The following FADS6 variants were observed in gnomAD, a reference collection of about 807,000 sequenced individuals.
The protein encoded by FADS6 is fatty acid desaturase domain family, member 6.
In FADS6, 28 loss-of-function variants were observed where a neutral mutation model predicts 31.7. The ratio of observed to expected loss-of-function variants is 0.88; its 90% CI spans 0.66 to 1.21. FADS6 has a LOEUF of 1.21. Ranked by LOEUF, FADS6 falls within the 50% of genes most tolerant of loss-of-function variation. The pLI is 0.00. For synonymous variants in FADS6, 191 were observed against 213.1 expected, an observed-to-expected ratio of 0.90 and a Z score of 0.90; for missense variants, 494 against 504.2, an observed-to-expected ratio of 0.98 and a Z score of 0.19.
intron 2 of FADS6, among the ~76,000 whole-genome samples, chr17:74,889,027 T>C (rs776610765): frequency 6.6e-6 from 1 of 152,158 alleles, no homozygotes; most frequent in Non-Finnish European, 1.5e-5. Flanking sequence ...CCAGGAGGGA[T>C]AGAACTTTCC....
chr17:74,880,261 G>A (rs2038553779), intron 4 of FADS6, among the ~76,000 whole-genome samples: 1 of 152,150 alleles, frequency 6.6e-6, no homozygotes, highest in Non-Finnish European at 1.5e-5. Flanking sequence ...TCTCGGGGCA[G>A]GCACTAGGGG....
Position 74,878,471 on chromosome 17 carries a change from G to C in FADS6, c.967C>G (p.Pro323Ala), listed in dbSNP as rs761975199. 3 of 1,613,756 alleles carry C rather than the reference G, an allele frequency of 1.9e-6. No individual in the cohort carries two copies. Among genetic ancestry groups the C allele is most frequent in the Admixed American group, 1.7e-5 (1 of 59,998 alleles). The change falls in exon 6 of 6, where the codon CCC becomes GCC. Residue 323 changes from proline (P) to alanine (A), a missense_variant. Pro to Ala is a conservative substitution (Grantham distance 27, BLOSUM62 -1). Transcript: ENST00000612771. ...TCACGTAGGAACTGGGACACCACGG[G>C]CTTCACCTGGTGGAAGATGGGCAGG... ...LSDNMCLKVK[P>A]VVSQFLREKQ... is the part of the protein sequence containing the mutation.
At chr17:74,887,448 C>A (rs951927795) in intron 2 of FADS6, among the ~76,000 whole-genome samples, 1 of 152,192 alleles carries the variant, frequency 6.6e-6, no homozygotes, top group Admixed American at 6.6e-5. Context: ...CCACCCTGAG[C>A]TCTCAGAGCT....
chr17:74,877,653 T>C lies in FADS6; in HGVS notation c.*678A>G, dbSNP rs73997533. The C allele has an allele frequency of 0.023, 22,854 of 980,530 alleles. 3,212 individuals carry two copies. The African/African-American group carries it at 0.33, about 14-fold the overall frequency. The allele number at this position is 980,530 out of a possible 1,614,324, so 60.7% of individuals were successfully genotyped here. A position where few individuals can be genotyped will look rare whatever the true frequency, so the allele number is the denominator to read the frequency against. ...TGGCTGGCTATTTATACTCTTTCCC[T>C]AACTCTGTCCCTGGGGAACCTTCTC... On this transcript the variant is annotated 3_prime_UTR_variant, in exon 6 of 6. Transcript: ENST00000612771.
In FADS6 at chr17:74,892,646, G is replaced by A. The variant is rs2038703114; in HGVS notation, c.288C>T (p.Ser96=). 1 of 1,613,150 alleles carries A rather than the reference G, an allele frequency of 6.2e-7. No individual in the cohort carries two copies. The highest frequency in any genetic ancestry group is 8.5e-7 in the Non-Finnish European group (1 of 1,179,574). ...LRWENALVFA[S]GITILGVCHY... ...GGCACACACCCAAGATGGTGATGCC[G>A]GATGCAAAGACCAGGGCATTCTCCC... The change falls in exon 2 of 6, where the codon TCC becomes TCT. Residue 96 remains serine (S), a synonymous_variant. Coordinates refer to ENST00000612771, the MANE Select transcript of FADS6 (RefSeq NM_178128.6).
In FADS6 at chr17:74,892,674, C is replaced by A. The variant is rs367664659; in HGVS notation, c.260G>T (p.Arg87Leu). 80 of 1,612,118 alleles carry A rather than the reference C, an allele frequency of 5.0e-5. No homozygotes were observed. Among genetic ancestry groups the A allele is most frequent in the Non-Finnish European group, 1.1e-5 (13 of 1,179,256 alleles). ...TGCAAAGACCAGGGCATTCTCCCAG[C>A]GCAGGCACAGGAAGCCTGCGTGGAG... The part of the protein sequence containing the change: ...FALPAGFLCL[R>L]WENALVFASG... Residue 87 changes from arginine to leucine, a missense_variant, in exon 2 of 6, where the codon CGC becomes CTC. Physicochemically the swap from Arg to Leu is moderately radical, Grantham distance 102. Around this residue, in one of 2 missense-constraint regions of FADS6, gnomAD observed 454 missense variants for 438.5 expected, o/e 1.04. Transcript: ENST00000612771.
At chr17:74,887,842 C>T (rs980902043) in intron 2 of FADS6, among the ~76,000 whole-genome samples, 19 of 152,216 alleles carry the variant, frequency 1.2e-4, no homozygotes, top group Admixed American at 1.1e-3. Context: ...TGTGCCACCA[C>T]GCCCGGCTAC....
In FADS6 at chr17:74,877,698, T is replaced by C; in HGVS notation, c.*633A>G. On this transcript the variant is annotated 3_prime_UTR_variant, in exon 6 of 6. Transcript: ENST00000612771. ...CTTCTCCCCTCACTTCCCCTGGAGT[T>C]CCCTCCCGACAAAACACACTCACTT... is the stretch of plus-strand genomic sequence containing the variant. The C allele has an allele frequency of 1.0e-6, 1 of 985,500 alleles. No individual in the cohort carries two copies. The highest frequency in any genetic ancestry group is 1.2e-6 in the Non-Finnish European group (1 of 830,022). 61.0% of individuals were successfully genotyped at this position (985,500 alleles called of 1,614,324 possible).
chr17:74,878,196 G>A lies in FADS6; in HGVS notation c.*135C>T. The A allele has an allele frequency of 6.9e-7, 1 of 1,438,996 alleles. No individual in the cohort carries two copies. Among genetic ancestry groups the A allele is most frequent in the South Asian group, 1.5e-5 (1 of 67,510 alleles). 89.1% of individuals were successfully genotyped at this position (1,438,996 alleles called of 1,614,324 possible). A position where few individuals can be genotyped will look rare whatever the true frequency, so the allele number is the denominator to read the frequency against. On this transcript the variant is annotated 3_prime_UTR_variant, in exon 6 of 6. Coordinates refer to ENST00000612771, the MANE Select transcript of FADS6 (RefSeq NM_178128.6). ...CCAGACCCCAGGCCTGAGCTCCCCTGCCCCCCTGCCTGGCCGGTGCCTCCA... is the reference window on the plus strand; with the variant it reads ...CCAGACCCCAGGCCTGAGCTCCCCTACCCCCCTGCCTGGCCGGTGCCTCCA...
chr17:74,882,931 G>A, intron 2 of FADS6: 1 of 1,274,992 alleles, frequency 7.8e-7, no homozygotes, highest in Admixed American at 2.6e-5. Flanking sequence ...GTTTGACGAG[G>A]CTCTGCAAAG....
chr17:74,889,758 C>T (rs1010387788), intron 2 of FADS6, among the ~76,000 whole-genome samples: 2 of 143,242 alleles, frequency 1.4e-5, no homozygotes, highest in African/African-American at 5.1e-5. Flanking sequence ...ATAATCCCAG[C>T]TATTAGGGAG....
In FADS6 at chr17:74,882,567, A is replaced by G; in HGVS notation, c.555T>C (p.Pro185=). Residue 185 remains proline (P), a synonymous_variant, in exon 3 of 6, where the codon CCT becomes CCC. Coordinates refer to ENST00000612771, the MANE Select transcript of FADS6 (RefSeq NM_178128.6). The part of the protein sequence containing the change: ...LNRYVYMFLA[P]FLLPIATPLV... ...GTGGAGTGGCGATGGGGAGGAGGAA[A>G]GGAGCAAGGAACATGTAGACATAGC... 1.9e-6 allele frequency: 3 copies of G among 1,612,098 alleles called. No individual in the cohort carries two copies. Among genetic ancestry groups the G allele is most frequent in the Non-Finnish European group, 2.5e-6 (3 of 1,179,170 alleles).
intron 3 of FADS6, 78 bp downstream of exon 3, chr17:74,882,452 A>T: frequency 2.0e-6 from 3 of 1,467,900 alleles, no homozygotes; most frequent in Non-Finnish European, 2.7e-6. Flanking sequence ...AGCAGCCTCC[A>T]TGAAGCCACG....
chr17:74,879,265 G>A, intron 5 of FADS6, 139 bp downstream of exon 5: 1 of 1,081,480 alleles, frequency 9.2e-7, no homozygotes, highest in Middle Eastern at 2.5e-4. Context: ...TCAAACTCCT[G>A]GGCTCAAGCA....
Position 74,888,471 on chromosome 17 carries a change from C to T in FADS6, c.411+4052G>A, listed in dbSNP as rs112750125. ...ACAGGCAGAGAGAAGGTTGGAGAGACGGCCTGGAGGGTAATGGTCACACTG... is the reference window on the plus strand; with the variant it reads ...ACAGGCAGAGAGAAGGTTGGAGAGATGGCCTGGAGGGTAATGGTCACACTG... On this transcript the variant is annotated intron_variant, in intron 2 of 5. Coordinates refer to ENST00000612771, the MANE Select transcript of FADS6 (RefSeq NM_178128.6). Among the ~76,000 whole-genome samples the T allele has an allele frequency of 2.8e-4, 42 of 152,240 alleles. 1 individual carries two copies. The highest frequency in any genetic ancestry group is 9.1e-4 in the African/African-American group (38 of 41,558).
At chr17:74,889,625 G>A (rs1255090669) in intron 2 of FADS6, among the ~76,000 whole-genome samples, 1 of 151,748 alleles carries the variant, frequency 6.6e-6, no homozygotes, top group Non-Finnish European at 1.5e-5. Context: ...CAGCACTTTG[G>A]GAGGCCGAGG....
chr17:74,879,158 T>C, intron 5 of FADS6: 1 of 467,796 alleles, frequency 2.1e-6, no homozygotes, highest in Non-Finnish European at 3.8e-6. Flanking sequence ...TCACCTCAGC[T>C]TCCAAGCAGC....
downstream of FADS6, among the ~76,000 whole-genome samples, chr17:74,875,874 G>A (rs1381923743): frequency 1.3e-5 from 2 of 152,210 alleles, no homozygotes; most frequent in African/African-American, 4.8e-5. Context: ...GCAAGAAACA[G>A]ATGGCACACT....
chr17:74,892,430 T>C (rs2038698335), intron 2 of FADS6, 93 bp downstream of exon 2: 1 of 1,463,574 alleles, frequency 6.8e-7, no homozygotes, highest in Non-Finnish European at 9.1e-7. Context: ...CGTGGGCACA[T>C]GCACAGCTGG....
Sources: gnomAD v4.1 joint callset for allele counts (sites outside exome capture counted in the v4.1 genomes callset) on GRCh38, gnomAD v4.1.1 for gene constraint, gnomAD v4.1.1 regional missense constraint, MANE v1.5 for transcripts, NCBI Gene and HGNC (gene_info 2026-07-23, HGNC 2026-07-21) for gene names.